The following MAPKAP1 variants were observed in gnomAD, a reference collection of about 807,000 sequenced individuals.
MAPKAP1 encodes MAPK associated protein 1.
In MAPKAP1, 20 loss-of-function variants were observed where a neutral mutation model predicts 65.7. The ratio of observed to expected loss-of-function variants is 0.30; its 90% CI spans 0.21 to 0.44. The LOEUF is 0.44. MAPKAP1 is among the 20% of genes least tolerant of loss of function. The probability of loss-of-function intolerance (pLI) is 1.00; values close to 1 mark genes in which losing one functional copy is unlikely to be tolerated. For missense variants in MAPKAP1, 423 were observed against 648.0 expected (o/e 0.65, Z 3.77); for synonymous variants, 222 against 244.3 (o/e 0.91, Z 0.85).
intron 4 of MAPKAP1, among the ~76,000 whole-genome samples, chr9:125,594,404 A>G (rs1240703146): frequency 6.6e-6 from 1 of 152,206 alleles, no homozygotes; most frequent in Non-Finnish European, 1.5e-5. Context: ...AGCTAGGCCC[A>G]GGTCGGAATC....
rs1396366782 is a variant in MAPKAP1, at chr9:125,506,694, CAGATA to C, written c.959-282_959-278del. Among the ~76,000 whole-genome samples, 4 of 152,318 alleles carry C rather than the reference CAGATA, an allele frequency of 2.6e-5. No homozygotes were observed. The East Asian group carries it at 7.7e-4, about 29-fold the overall frequency. On this transcript the variant is annotated intron_variant, in intron 7 of 11. Transcript: ENST00000265960. ...GAGTCAGAGTGACTACGCCACTTCT[CAGATA>C]TGAGCAGGTCACCTACCCTCTCTGA...
At position 125,452,248 on chromosome 9, in the gene MAPKAP1, G is replaced by A. The variant is rs536181715; in HGVS notation, c.1346-7650C>T. On this transcript the variant is annotated intron_variant, in intron 10 of 11. Transcript: ENST00000265960. ...CAAGTAGCTGGGATTACAGGCGTGC[G>A]CCACCACGCCGAGCTAATTTTTGAA... is the stretch of plus-strand genomic sequence containing the variant. Among the ~76,000 whole-genome samples the A allele has an allele frequency of 1.2e-3, 177 of 152,218 alleles. No individual in the cohort carries two copies. In the Middle Eastern group the frequency reaches 0.014, roughly 12 times the overall value.
intron 9 of MAPKAP1, among the ~76,000 whole-genome samples, chr9:125,474,877 A>C (rs1025240120): frequency 1.3e-5 from 2 of 152,096 alleles, no homozygotes; most frequent in Non-Finnish European, 2.9e-5. Flanking sequence ...CAATTCTACA[A>C]TCCTCTTGTC....
rs371910406 is a variant in MAPKAP1 at position 125,488,687 on chromosome 9, T to C, written c.1067-4104A>G. Reference sequence around the variant, plus strand: ...AAAGTAGGCTCAGGAGTACCACTTGTTGGAGGGGTCATGTCTATTGTATAT... The same window carrying C: ...AAAGTAGGCTCAGGAGTACCACTTGCTGGAGGGGTCATGTCTATTGTATAT... On this transcript the variant is annotated intron_variant, in intron 8 of 11. Transcript: ENST00000265960. 7.2e-5 allele frequency among the ~76,000 whole-genome samples: 11 copies of C among 152,164 alleles called. No individual in the cohort carries two copies. In the South Asian group the frequency reaches 2.1e-3, roughly 29 times the overall value.
chr9:125,479,830 T>C (rs1407072790), intron 9 of MAPKAP1, among the ~76,000 whole-genome samples: 2 of 152,146 alleles, frequency 1.3e-5, no homozygotes, highest in South Asian at 4.1e-4. Flanking sequence ...GCTGGGCAAA[T>C]GCCACACACT....
chr9:125,527,644 C>G (rs1829811168), intron 7 of MAPKAP1, among the ~76,000 whole-genome samples: 1 of 152,148 alleles, frequency 6.6e-6, no homozygotes, highest in Non-Finnish European at 1.5e-5. Context: ...ACCCACACGT[C>G]CTTTGGAAAG....
intron 4 of MAPKAP1, among the ~76,000 whole-genome samples, chr9:125,625,281 C>T (rs1486587053): frequency 1.4e-5 from 1 of 70,694 alleles, no homozygotes; most frequent in Admixed American, 1.4e-4. Flanking sequence ...AAAAAAAAAA[C>T]AAGGGAGAGA....
chr9:125,481,315 AG>A (rs1429689721), intron 9 of MAPKAP1, among the ~76,000 whole-genome samples: 1 of 152,000 alleles, frequency 6.6e-6, no homozygotes, highest in African/African-American at 2.4e-5. Context: ...TATCATTCCA[AG>A]GCAGCGCTTT....
intron 10 of MAPKAP1, among the ~76,000 whole-genome samples, chr9:125,462,898 A>G (rs537326877): frequency 3.3e-5 from 5 of 152,214 alleles, no homozygotes; most frequent in Non-Finnish European, 7.3e-5. Context: ...CAGATGTGGA[A>G]TTCAATGGGA....
intron 7 of MAPKAP1, among the ~76,000 whole-genome samples, chr9:125,541,482 T>C (rs1452899299): frequency 1.3e-5 from 2 of 152,202 alleles, no homozygotes; most frequent in South Asian, 2.1e-4. Flanking sequence ...TATAAAATAT[T>C]TGGGACCAAA....
chr9:125,645,949 AT>A (rs11330535), intron 4 of MAPKAP1, among the ~76,000 whole-genome samples: 7,315 of 152,144 alleles, frequency 0.048, 381 homozygotes, highest in African/African-American at 0.13. Context: ...ACTAAATAAA[AT>A]TTTTAAAAAT....
intron 2 of MAPKAP1, among the ~76,000 whole-genome samples, chr9:125,671,114 T>G (rs1834485035): frequency 6.6e-6 from 1 of 152,182 alleles, no homozygotes; most frequent in African/African-American, 2.4e-5. Context: ...CCCACTGAAA[T>G]ACATTCAACC....
chr9:125,632,810 T>C (rs1464153720), intron 4 of MAPKAP1, among the ~76,000 whole-genome samples: 2 of 152,202 alleles, frequency 1.3e-5, no homozygotes, highest in African/African-American at 2.4e-5. Context: ...CACCACTCTG[T>C]GCCTCGTCTC....
At chr9:125,629,092 C>CACACACACACACA in intron 4 of MAPKAP1, among the ~76,000 whole-genome samples, 2 of 135,768 alleles carry the variant, frequency 1.5e-5, no homozygotes, top group Admixed American at 1.5e-4. Context: ...CACACACACA[C>CACACACACACACA]CAGAAAATAA....
At chr9:125,601,086 G>C (rs1057297164) in intron 4 of MAPKAP1, among the ~76,000 whole-genome samples, 1 of 151,924 alleles carries the variant, frequency 6.6e-6, no homozygotes, top group East Asian at 1.9e-4. Context: ...GAGTCTTGAA[G>C]ATTTAATATC....
intron 9 of MAPKAP1, among the ~76,000 whole-genome samples, chr9:125,481,431 T>C (rs1298891415): frequency 3.9e-5 from 6 of 152,036 alleles, no homozygotes; most frequent in Non-Finnish European, 8.8e-5. Flanking sequence ...TGGGCTTCTT[T>C]TTTTCCTTTG....
intron 7 of MAPKAP1, among the ~76,000 whole-genome samples, chr9:125,525,221 A>C (rs1017951829): frequency 6.6e-6 from 1 of 152,256 alleles, no homozygotes; most frequent in Non-Finnish European, 1.5e-5. Context: ...CTGAGTGATA[A>C]GATAATAACA....
intron 4 of MAPKAP1, among the ~76,000 whole-genome samples, chr9:125,606,877 T>A (rs1832454222): frequency 6.6e-6 from 1 of 152,098 alleles, no homozygotes; most frequent in Non-Finnish European, 1.5e-5. Context: ...GGCATGGAGC[T>A]AGGGGAGGGT....
In MAPKAP1 at chr9:125,437,985, A is replaced by G. The variant is rs755689160; in HGVS notation, c.*902T>C. The G allele has an allele frequency of 1.6e-4, 27 of 172,490 alleles. No homozygotes were observed. The South Asian group carries it at 3.0e-3, about 19-fold the overall frequency. 10.7% of individuals were successfully genotyped at this position (172,490 alleles called of 1,614,324 possible). On this transcript the variant is annotated 3_prime_UTR_variant, in exon 12 of 12. Coordinates refer to ENST00000265960, the MANE Select transcript of MAPKAP1 (RefSeq NM_001006617.3). ...TTTCCGCCTGCTTGAAAAAGGAGGC[A>G]GGCGCTGTAAGGAGAAGAGGAATGG...
Sources: gnomAD v4.1 joint callset for allele counts (sites outside exome capture counted in the v4.1 genomes callset) on GRCh38, gnomAD v4.1.1 for gene constraint, MANE v1.5 for transcripts, NCBI Gene and HGNC (gene_info 2026-07-23, HGNC 2026-07-21) for gene names.